Variants in F10 observed in about 807,000 individuals in gnomAD.
F10 encodes the protein Stuart-Prower factor.
In F10, 29 loss-of-function variants were observed where a neutral mutation model predicts 37.1. The observed-to-expected ratio is 0.78, with a 90% CI of 0.58 to 1.07. The LOEUF is 1.07. Ranked by LOEUF, F10 falls within the 50% of genes least tolerant of loss-of-function variation. The pLI is 0.00. For synonymous variants in F10, 262 were observed against 268.6 expected (o/e 0.98, Z 0.24); for missense variants, 539 against 667.9 (o/e 0.81, Z 2.13).
At chr13:113,138,552 C>A in intron 3 of F10, 71 bp downstream of exon 3, 1 of 970,034 alleles carries the variant, frequency 1.0e-6, no homozygotes, top group South Asian at 1.4e-5. Flanking sequence ...GAAAATAGTT[C>A]CTGAATTTCC....
Position 113,149,433 on chromosome 13 carries a change from G to C in F10, c.1383G>C (p.Trp461Cys). The C allele has an allele frequency of 6.2e-7, 1 of 1,613,400 alleles. No individual in the cohort carries two copies. Among genetic ancestry groups the C allele is most frequent in the Non-Finnish European group, 8.5e-7 (1 of 1,179,950 alleles). ...IYTKVTAFLK[W>C]IDRSMKTRGL... ...CCAAGGTCACCGCCTTCCTCAAGTG[G>C]ATCGACAGGTCCATGAAAACCAGGG... The change falls in exon 8 of 8, where the codon TGG (tryptophan) becomes TGC (cysteine). Residue 461 changes from tryptophan to cysteine, a missense_variant. Physicochemically the swap from Trp to Cys is radical, Grantham distance 215. Coordinates refer to ENST00000375559, the MANE Select transcript of F10 (RefSeq NM_000504.4). This position sits in a 1 kb window ranked among gnomAD's most constrained non-coding sequence, Gnocchi z 7.5.
At chr13:113,135,957 C>T (rs920783507) in intron 2 of F10, among the ~76,000 whole-genome samples, 12 of 152,044 alleles carry the variant, frequency 7.9e-5, no homozygotes, top group African/African-American at 2.7e-4. Context: ...GATGAAAATA[C>T]AAGCTACAAA....
chr13:113,140,944 C>T lies in F10; in HGVS notation c.396C>T (p.Asp132=), dbSNP rs111737184. The T allele has an allele frequency of 4.7e-4, 754 of 1,614,142 alleles. 4 individuals carry two copies. In the African/African-American group the frequency reaches 8.9e-3, roughly 19 times the overall value. Residue 132 remains aspartate (D), a synonymous_variant, in exon 5 of 8, where the codon GAC becomes GAT. Transcript: ENST00000375559. ...TCACACGGAAGCTCTGCAGCCTGGA[C>T]AACGGGGACTGTGACCAGTTCTGCC... ...ELFTRKLCSL[D]NGDCDQFCHE...
rs1207004569 is a variant in F10 at position 113,140,913 on chromosome 13, T to C, written c.371-6T>C. 2.5e-6 allele frequency: 4 copies of C among 1,613,876 alleles called. No homozygotes were observed. Among genetic ancestry groups the C allele is most frequent in the East Asian group, 2.2e-5 (1 of 44,882 alleles). On this transcript the variant is annotated splice_region_variant and splice_polypyrimidine_tract_variant and intron_variant, in intron 4 of 7. Coordinates refer to ENST00000375559, the MANE Select transcript of F10 (RefSeq NM_000504.4). The stretch of plus-strand genomic sequence containing the variant: ...TCCCCAGAGCCAACGTGCCTCTCCT[T>C]TGCAGTCACACGGAAGCTCTGCAGC...
chr13:113,142,376 G>C (rs4907591), intron 5 of F10, among the ~76,000 whole-genome samples: 12,273 of 112,846 alleles, frequency 0.11, 761 homozygotes, highest in Admixed American at 0.25. Flanking sequence ...CCCGTCTCTA[G>C]TAAAAATACA....
At position 113,144,802 on chromosome 13, in the gene F10, C is replaced by G. The variant is rs868847078; in HGVS notation, c.747+707C>G. On this transcript the variant is annotated intron_variant, in intron 6 of 7. Transcript: ENST00000375559. This position sits in a 1 kb window ranked among gnomAD's most constrained non-coding sequence, Gnocchi z 6.4. ...GATCTCGGCTCACTGCAACCTCCAC[C>G]TCCTGGGTTCAAGCGATTCTCATGC... Among the ~76,000 whole-genome samples the G allele has an allele frequency of 6.6e-6, 1 of 152,166 alleles. No individual in the cohort carries two copies. The highest frequency in any genetic ancestry group is 1.5e-5 in the Non-Finnish European group (1 of 68,024).
chr13:113,147,532 G>T, intron 7 of F10, 36 bp downstream of exon 7: 1 of 1,231,816 alleles, frequency 8.1e-7, no homozygotes, highest in South Asian at 1.2e-5. Flanking sequence ...CGTGGTGAGG[G>T]GCACCGTCAC....
intron 2 of F10, chr13:113,131,995 GAA>G (rs1431489872): frequency 6.6e-6 from 1 of 152,234 alleles, no homozygotes; most frequent in Non-Finnish European, 1.5e-5. Flanking sequence ...GAAACTTGAA[GAA>G]AGAGAATGTA....
In F10 at chr13:113,144,675, C is replaced by T. The variant is rs1395814145; in HGVS notation, c.747+580C>T. ...GTAGATAGTACCTTAGAGAAAAACA[C>T]ATCTACTTATTTTCAAAGGTAAAAA... On this transcript the variant is annotated intron_variant, in intron 6 of 7. Coordinates refer to ENST00000375559, the MANE Select transcript of F10 (RefSeq NM_000504.4). The surrounding 1 kb of genome is among the most constrained non-coding windows in gnomAD (Gnocchi z 6.4). 6.6e-6 allele frequency among the ~76,000 whole-genome samples: 1 copy of T among 152,240 alleles called. No homozygotes were observed.
rs1406371290 is a variant in F10 at position 113,146,487 on chromosome 13, G to T, written c.748-892G>T. On this transcript the variant is annotated intron_variant, in intron 6 of 7. Coordinates refer to ENST00000375559, the MANE Select transcript of F10 (RefSeq NM_000504.4). This position sits in a 1 kb window ranked among gnomAD's most constrained non-coding sequence, Gnocchi z 4.5. The stretch of plus-strand genomic sequence containing the variant: ...AGGGGCCCTCGCCCAGCCTGTTGAG[G>T]TTTGCGATTCTTGTTTCCTGGTTCG... Among the ~76,000 whole-genome samples, 3 of 152,196 alleles carry T rather than the reference G, an allele frequency of 2.0e-5. No homozygotes were observed. The highest frequency in any genetic ancestry group is 4.8e-5 in the African/African-American group (2 of 41,448).
rs1210703989 is a variant in F10 at position 113,141,931 on chromosome 13, C to T, written c.502+881C>T. Reference sequence around the variant, plus strand: ...CAGCCCCCAGACCGTGTTCTGCCCCCGGCTACCATGACTGTCCCCTCCAGA... The same window carrying T: ...CAGCCCCCAGACCGTGTTCTGCCCCTGGCTACCATGACTGTCCCCTCCAGA... On this transcript the variant is annotated intron_variant, in intron 5 of 7. Transcript: ENST00000375559. The surrounding 1 kb of genome is among the most constrained non-coding windows in gnomAD (Gnocchi z 5.4). 2.0e-5 allele frequency among the ~76,000 whole-genome samples: 3 copies of T among 152,232 alleles called. No homozygotes were observed. Among genetic ancestry groups the T allele is most frequent in the African/African-American group, 4.8e-5 (2 of 41,464 alleles).
Position 113,143,447 on chromosome 13 carries a change from G to A in F10, c.503-404G>A, listed in dbSNP as rs952057465. Among the ~76,000 whole-genome samples, 3 of 152,212 alleles carry A rather than the reference G, an allele frequency of 2.0e-5. No individual in the cohort carries two copies. Among genetic ancestry groups the A allele is most frequent in the African/African-American group, 2.4e-5 (1 of 41,526 alleles). ...AAGAATTTTGCAGGGAGTCGCACACGCCCAGCACTTGGGTTCTCCTGTTGG... is the reference window on the plus strand; with the variant it reads ...AAGAATTTTGCAGGGAGTCGCACACACCCAGCACTTGGGTTCTCCTGTTGG... On this transcript the variant is annotated intron_variant, in intron 5 of 7. Coordinates refer to ENST00000375559, the MANE Select transcript of F10 (RefSeq NM_000504.4). The surrounding 1 kb of genome is among the most constrained non-coding windows in gnomAD (Gnocchi z 6.8).
rs544852082 is a variant in F10, at chr13:113,145,176, G to A, written c.747+1081G>A. 3.3e-5 allele frequency among the ~76,000 whole-genome samples: 5 copies of A among 152,204 alleles called. No homozygotes were observed. In the East Asian group the frequency reaches 7.7e-4, roughly 24 times the overall value. On this transcript the variant is annotated intron_variant, in intron 6 of 7. Coordinates refer to ENST00000375559, the MANE Select transcript of F10 (RefSeq NM_000504.4). ...ATTACAGGCGTGAGACAATGTGCCC[G>A]GCCATGCCTGGCTAATTTTTTTATT...
chr13:113,145,697 G>A (rs924961579), intron 6 of F10, among the ~76,000 whole-genome samples: 18 of 152,180 alleles, frequency 1.2e-4, no homozygotes, highest in Non-Finnish European at 1.8e-4. Flanking sequence ...GGTGGAAGGC[G>A]CAAGGCACGT....
At chr13:113,145,698 C>A (rs60643841) in intron 6 of F10, among the ~76,000 whole-genome samples, 12 of 152,124 alleles carry the variant, frequency 7.9e-5, no homozygotes, top group African/African-American at 2.4e-4. Context: ...GTGGAAGGCG[C>A]AAGGCACGTC....
rs1291967764 is a variant in F10 at position 113,149,521 on chromosome 13, C to A, written c.*4C>A. ...AACGTCCTCTCCATTAAAGTGAGAT[C>A]CCACTCAAGGCCTGGTTTGTCTCTC... is the stretch of plus-strand genomic sequence containing the variant. On this transcript the variant is annotated 3_prime_UTR_variant, in exon 8 of 8. Transcript: ENST00000375559. This position sits in a 1 kb window ranked among gnomAD's most constrained non-coding sequence, Gnocchi z 7.5. 2 of 1,612,888 alleles carry A rather than the reference C, an allele frequency of 1.2e-6. No individual in the cohort carries two copies. Among genetic ancestry groups the A allele is most frequent in the African/African-American group, 1.3e-5 (1 of 74,950 alleles).
chr13:113,142,374 T>C (rs755018742), intron 5 of F10, among the ~76,000 whole-genome samples: 1 of 117,774 alleles, frequency 8.5e-6, no homozygotes, highest in Non-Finnish European at 1.8e-5. Context: ...ACCCCGTCTC[T>C]AGTAAAAATA....
chr13:113,148,345 A>AAAAATATATATAT (rs1300922846), intron 7 of F10, among the ~76,000 whole-genome samples: 2 of 95,434 alleles, frequency 2.1e-5, no homozygotes, highest in African/African-American at 7.9e-5. Context: ...AAAAAAAAAA[A>AAAAATATATATAT]ATATATATAT....
At chr13:113,123,270 G>A in intron 1 of F10, among the ~76,000 whole-genome samples, 1 of 152,190 alleles carries the variant, frequency 6.6e-6, no homozygotes, top group East Asian at 1.9e-4. Flanking sequence ...CAGAGAGAGA[G>A]GGAGGGGTTG....
Sources: allele counts gnomAD v4.1 joint callset (sites outside exome capture counted in the v4.1 genomes callset), GRCh38; gene constraint gnomAD v4.1.1; non-coding constraint Gnocchi (gnomAD v3.1); transcripts MANE v1.5; gene names NCBI Gene and HGNC (gene_info 2026-07-23, HGNC 2026-07-21).